The following PABIR2 variants were observed in gnomAD, a reference collection of about 807,000 sequenced individuals.
PABIR2 encodes the protein family with sequence similarity 122B.
PABIR2 carries 7 observed loss-of-function variants against 22.8 expected under a neutral mutation model. That is an observed-to-expected ratio of 0.31 (90% CI 0.17 to 0.58). The LOEUF (loss-of-function observed/expected upper bound fraction) is 0.58. PABIR2 is among the 20% of genes least tolerant of loss of function. The pLI, the probability that PABIR2 is intolerant of heterozygous loss-of-function variation, is 0.89. For synonymous variants in PABIR2, 67 were observed against 73.8 expected (o/e 0.91, Z 0.47); for missense variants, 155 against 205.1 (o/e 0.76, Z 1.49).
chrX:134,793,418 A>G (rs925533077), intron 2 of PABIR2, among the ~76,000 whole-genome samples: 3 of 112,671 alleles, frequency 2.7e-5, no homozygotes, highest in African/African-American at 9.7e-5. Flanking sequence ...AGGAGTCTTC[A>G]TTTTGGAAAA....
At chrX:134,790,976 G>A (rs1176106962) in intron 2 of PABIR2, among the ~76,000 whole-genome samples, 2 of 112,039 alleles carry the variant, frequency 1.8e-5, no homozygotes, top group South Asian at 3.7e-4. Flanking sequence ...GAGCGCAGAC[G>A]TGTCACTTAG....
At chrX:134,780,918 T>C (rs564578714) in intron 9 of PABIR2, among the ~76,000 whole-genome samples, 2 of 112,920 alleles carry the variant, frequency 1.8e-5, no homozygotes, top group South Asian at 3.6e-4. Flanking sequence ...AATGAAACCT[T>C]AGCATTGTTC....
chrX:134,796,008 C>G, intron 1 of PABIR2, 100 bp downstream of exon 1: 1 of 822,028 alleles, frequency 1.2e-6, no homozygotes, highest in Non-Finnish European at 1.8e-6. Flanking sequence ...GGTTGAAGAG[C>G]CCAAATGAGC....
intron 8 of PABIR2, among the ~76,000 whole-genome samples, chrX:134,783,674 A>G (rs143458021): frequency 0.03 from 3,325 of 109,934 alleles, 140 homozygotes; most frequent in African/African-American, 0.1. Flanking sequence ...GCAGTGAGCC[A>G]AGATCATACC....
intron 2 of PABIR2, among the ~76,000 whole-genome samples, chrX:134,790,852 G>A (rs2079525583): frequency 8.9e-6 from 1 of 112,653 alleles, no homozygotes; most frequent in African/African-American, 3.2e-5. Context: ...GATTACAGGC[G>A]TGAGCCACTG....
Position 134,796,240 on chromosome X carries a change from C to A in PABIR2, c.-35G>T. 8.9e-7 allele frequency: 1 copy of A among 1,117,741 alleles called. No homozygotes were observed. The highest frequency in any genetic ancestry group is 1.2e-6 in the Non-Finnish European group (1 of 815,405). 92.1% of individuals were successfully genotyped at this position (1,117,741 alleles called of 1,213,427 possible). A position where few individuals can be genotyped will look rare whatever the true frequency, so the allele number is the denominator to read the frequency against. On this transcript the variant is annotated 5_prime_UTR_variant, in exon 1 of 10. Coordinates refer to ENST00000343004, the MANE Select transcript of PABIR2 (RefSeq NM_001387468.1). ...GCAGGCAGGCACAGCGGGCAGTGCT[C>A]AGCTCCTGGTGCTTAGCTATGGACT...
intron 1 of PABIR2, among the ~76,000 whole-genome samples, chrX:134,795,157 T>A (rs1186061928): frequency 1.8e-5 from 2 of 111,737 alleles, no homozygotes; most frequent in Non-Finnish European, 3.8e-5. Flanking sequence ...AGTTTCAAAA[T>A]TATACTTAAT....
At chrX:134,780,650 A>G (rs1374713993) in intron 9 of PABIR2, among the ~76,000 whole-genome samples, 1 of 112,422 alleles carries the variant, frequency 8.9e-6, no homozygotes, top group East Asian at 2.8e-4. Flanking sequence ...ACAGTACACA[A>G]TTGATTACAC....
At chrX:134,792,858 T>A (rs1033735866) in intron 2 of PABIR2, among the ~76,000 whole-genome samples, 1 of 112,513 alleles carries the variant, frequency 8.9e-6, no homozygotes, top group African/African-American at 3.2e-5. Context: ...AATAAGTTAA[T>A]GACCCAGGTA....
chrX:134,777,883 T>TG (rs1188058622), intron 9 of PABIR2, among the ~76,000 whole-genome samples: 2 of 100,972 alleles, frequency 2.0e-5, no homozygotes, highest in African/African-American at 7.7e-5. Flanking sequence ...TTTGTTTGGT[T>TG]GGTTTTTTTT....
intron 9 of PABIR2, among the ~76,000 whole-genome samples, chrX:134,776,640 GA>G (rs1271039651): frequency 6.4e-5 from 7 of 108,750 alleles, no homozygotes; most frequent in African/African-American, 2.3e-4. Flanking sequence ...GAAAAGAAAA[GA>G]AAAAAAAAGT....
chrX:134,787,610 CTTTTTT>C (rs1179720154), intron 6 of PABIR2, 77 bp from the exon 7 acceptor site: 98 of 292,115 alleles, frequency 3.4e-4, no homozygotes, highest in Non-Finnish European at 3.9e-4. Flanking sequence ...AGTTTTCTTT[CTTTTTT>C]TTTTTTTTTT....
chrX:134,781,683 C>T, intron 9 of PABIR2, 138 bp downstream of exon 9: 1 of 344,890 alleles, frequency 2.9e-6, no homozygotes, highest in Non-Finnish European at 4.6e-6. Flanking sequence ...TGTCACATCC[C>T]CAAAATAATG....
intron 2 of PABIR2, 117 bp from the exon 3 acceptor site, chrX:134,789,753 C>T: frequency 1.6e-6 from 1 of 615,000 alleles, no homozygotes; most frequent in Non-Finnish European, 2.4e-6. Context: ...CAAAATTTAG[C>T]TCTTTAGATC....
intron 9 of PABIR2, among the ~76,000 whole-genome samples, chrX:134,776,170 T>C (rs959064051): frequency 7.4e-5 from 8 of 108,200 alleles, no homozygotes; most frequent in Non-Finnish European, 1.5e-4. Context: ...TGATTAAAAC[T>C]TATGTTTTGT....
intron 9 of PABIR2, among the ~76,000 whole-genome samples, chrX:134,775,969 A>G (rs893116753): frequency 8.9e-6 from 1 of 111,961 alleles, no homozygotes; most frequent in African/African-American, 3.2e-5. Context: ...CATGCTGAGG[A>G]CAGGAGTGTT....
At chrX:134,782,977 T>C (rs1197667334) in intron 8 of PABIR2, among the ~76,000 whole-genome samples, 2 of 112,265 alleles carry the variant, frequency 1.8e-5, no homozygotes, top group Non-Finnish European at 3.7e-5. Context: ...TTTAGCTCTT[T>C]TGAGCAAAGA....
At chrX:134,779,732 T>C (rs1187410091) in intron 9 of PABIR2, among the ~76,000 whole-genome samples, 1 of 112,934 alleles carries the variant, frequency 8.9e-6, no homozygotes, top group Non-Finnish European at 1.9e-5. Flanking sequence ...TCACCCTGTA[T>C]GTTTTTAGCT....
At chrX:134,775,246 C>T (rs775487803) in intron 9 of PABIR2, among the ~76,000 whole-genome samples, 1 of 111,542 alleles carries the variant, frequency 9.0e-6, no homozygotes, top group Non-Finnish European at 1.9e-5. Context: ...GTACTTATGA[C>T]TTGGCTGGGC....
Sources: allele counts gnomAD v4.1 joint callset (sites outside exome capture counted in the v4.1 genomes callset), GRCh38; gene constraint gnomAD v4.1.1; transcripts MANE v1.5; gene names NCBI Gene and HGNC (gene_info 2026-07-23, HGNC 2026-07-21).